The following ITPR2 variants were observed in gnomAD, a reference collection of about 807,000 sequenced individuals.
ITPR2 encodes the protein inositol 1,4,5-trisphosphate receptor type 2.
ITPR2 carries 207 observed loss-of-function variants against 317.1 expected under a neutral mutation model. The ratio of observed to expected loss-of-function variants is 0.65; its 90% confidence interval spans 0.58 to 0.73. The LOEUF (loss-of-function observed/expected upper bound fraction) is 0.73. ITPR2 is among the 30% of genes least tolerant of loss of function. The probability of loss-of-function intolerance (pLI) is 0.00; values close to 1 mark genes in which losing one functional copy is unlikely to be tolerated. For missense variants in ITPR2, 2,613 were observed against 3,284.0 expected, an observed-to-expected ratio of 0.80 and a Z score of 4.99; for synonymous variants, 1,156 against 1,149.1, an observed-to-expected ratio of 1.01 and a Z score of -0.12.
intron 37 of ITPR2, among the ~76,000 whole-genome samples, chr12:26,510,013 T>C (rs970380199): frequency 0.025 from 1,109 of 44,824 alleles, 33 homozygotes; most frequent in African/African-American, 0.093. Context: ...TGGTGGGGGG[T>C]GGGGGTGGGG....
rs932453358 is a variant in ITPR2 at position 26,350,947 on chromosome 12, C to T, written c.7858-10619G>A. On this transcript the variant is annotated intron_variant, in intron 55 of 56. Transcript: ENST00000381340. ...TGCCCATTCCCAGCCAACAGGGCAC[C>T]GAGGGATAGAGCCACAGAGAGAAGA... is the stretch of plus-strand genomic sequence containing the variant. 5.3e-5 allele frequency among the ~76,000 whole-genome samples: 8 copies of T among 152,284 alleles called. No homozygotes were observed. In the East Asian group the frequency reaches 7.7e-4, roughly 15 times the overall value.
At chr12:26,702,394 T>TGG (rs1948459306) in intron 9 of ITPR2, among the ~76,000 whole-genome samples, 1 of 115,638 alleles carries the variant, frequency 8.6e-6, no homozygotes, top group African/African-American at 3.3e-5. Context: ...TGGTTTGGTT[T>TGG]TTGGGGGCGG....
chr12:26,573,588 G>C (rs1945212675), intron 34 of ITPR2, among the ~76,000 whole-genome samples: 1 of 152,122 alleles, frequency 6.6e-6, no homozygotes, highest in African/African-American at 2.4e-5. Flanking sequence ...ACACTGCATG[G>C]GGGGTGTTCT....
At chr12:26,539,939 G>A (rs1374626102) in intron 37 of ITPR2, among the ~76,000 whole-genome samples, 2 of 152,232 alleles carry the variant, frequency 1.3e-5, no homozygotes, top group Non-Finnish European at 2.9e-5. Context: ...CATCTACTAT[G>A]TGTCAATCTG....
At chr12:26,808,137 G>GA (rs1950669668) in intron 1 of ITPR2, among the ~76,000 whole-genome samples, 2 of 152,110 alleles carry the variant, frequency 1.3e-5, no homozygotes, top group South Asian at 4.1e-4. Context: ...CCATGGCTGG[G>GA]AAAAAATCTG....
At chr12:26,615,121 C>T (rs1284657365) in intron 26 of ITPR2, among the ~76,000 whole-genome samples, 1 of 151,764 alleles carries the variant, frequency 6.6e-6, no homozygotes, top group African/African-American at 2.4e-5. Flanking sequence ...AAAATGAAGT[C>T]AATTTGAAAA....
intron 55 of ITPR2, among the ~76,000 whole-genome samples, chr12:26,384,183 A>G (rs374011811): frequency 6.6e-6 from 1 of 152,368 alleles, no homozygotes; most frequent in Admixed American, 6.5e-5. Context: ...GATGTGCTTC[A>G]ACTTTCCACG....
intron 26 of ITPR2, among the ~76,000 whole-genome samples, chr12:26,605,122 T>A (rs28501602): frequency 0.14 from 11,523 of 81,506 alleles, 674 homozygotes; most frequent in African/African-American, 0.23. Context: ...AAATAAAAAA[T>A]AAAAATATAT....
intron 55 of ITPR2, among the ~76,000 whole-genome samples, chr12:26,365,665 C>T (rs978244280): frequency 6.6e-6 from 1 of 152,084 alleles, no homozygotes; most frequent in Admixed American, 6.5e-5. Flanking sequence ...TGCATACTAG[C>T]TAAAGGAATA....
chr12:26,463,803 T>C (rs1942102511), intron 45 of ITPR2, among the ~76,000 whole-genome samples: 1 of 152,182 alleles, frequency 6.6e-6, no homozygotes, highest in Non-Finnish European at 1.5e-5. Flanking sequence ...GTACTTAAAG[T>C]CCTTCAGAAT....
intron 21 of ITPR2, among the ~76,000 whole-genome samples, chr12:26,632,378 T>A (rs1369254603): frequency 6.6e-6 from 1 of 152,228 alleles, no homozygotes; most frequent in African/African-American, 2.4e-5. Context: ...CTAACTGTCA[T>A]ACCAATAGGC....
intron 55 of ITPR2, among the ~76,000 whole-genome samples, chr12:26,350,401 G>A (rs1166078134): frequency 6.6e-6 from 1 of 152,066 alleles, no homozygotes; most frequent in Non-Finnish European, 1.5e-5. Flanking sequence ...TCCTGGGGGC[G>A]AGAGGCACTG....
rs191635160 is a variant in ITPR2 at position 26,454,352 on chromosome 12, G to A, written c.6343-10702C>T. ...CCTGAGTAGCTGAGACTACAAGCAC[G>A]CACCACCATGACCAGCTAATTTTTT... On this transcript the variant is annotated intron_variant, in intron 45 of 56. Coordinates refer to ENST00000381340, the MANE Select transcript of ITPR2 (RefSeq NM_002223.4). 6.8e-4 allele frequency among the ~76,000 whole-genome samples: 104 copies of A among 151,972 alleles called. 2 individuals are homozygous for A. In the East Asian group the frequency reaches 0.019, roughly 28 times the overall value.
Position 26,499,841 on chromosome 12 carries a change from A to G in ITPR2, c.5074-4581T>C, listed in dbSNP as rs1006606204. On this transcript the variant is annotated intron_variant, in intron 37 of 56. Coordinates refer to ENST00000381340, the MANE Select transcript of ITPR2 (RefSeq NM_002223.4). ...CCTTAGAATTATATACTTATTAGCT[A>G]ACATGGCAAAGTCACCCTAAAGCAT... Among the ~76,000 whole-genome samples the G allele has an allele frequency of 2.0e-5, 3 of 152,228 alleles. No homozygotes were observed. In the East Asian group the frequency reaches 5.8e-4, roughly 29 times the overall value.
At chr12:26,531,766 A>G (rs984254322) in intron 37 of ITPR2, among the ~76,000 whole-genome samples, 4 of 152,200 alleles carry the variant, frequency 2.6e-5, no homozygotes. Context: ...CTCATAGGAA[A>G]GATTATACCA....
chr12:26,730,022 A>C (rs1166772549), intron 2 of ITPR2, among the ~76,000 whole-genome samples: 2 of 152,100 alleles, frequency 1.3e-5, no homozygotes, highest in Non-Finnish European at 2.9e-5. Context: ...GAAATAAACC[A>C]AAAAAAGAAA....
intron 37 of ITPR2, among the ~76,000 whole-genome samples, chr12:26,497,300 C>T (rs1384678261): frequency 6.6e-6 from 1 of 151,826 alleles, no homozygotes; most frequent in Admixed American, 6.5e-5. Context: ...ACAACAGGTG[C>T]CCGCCACCAC....
At chr12:26,371,458 C>G (rs939526470) in intron 55 of ITPR2, among the ~76,000 whole-genome samples, 5 of 152,092 alleles carry the variant, frequency 3.3e-5, no homozygotes, top group Non-Finnish European at 7.3e-5. Context: ...GAAACAAAGA[C>G]AGTGAAAAAC....
chr12:26,405,815 A>C (rs1940329749), intron 52 of ITPR2, among the ~76,000 whole-genome samples: 1 of 152,106 alleles, frequency 6.6e-6, no homozygotes, highest in African/African-American at 2.4e-5. Context: ...AAAACTAGCC[A>C]GGCGTGGTGG....
Sources: gnomAD v4.1 joint callset for allele counts (sites outside exome capture counted in the v4.1 genomes callset) on GRCh38, gnomAD v4.1.1 for gene constraint, MANE v1.5 for transcripts, NCBI Gene and HGNC (gene_info 2026-07-23, HGNC 2026-07-21) for gene names.